RAB8B: variants seen among roughly 807,000 people sequenced by gnomAD.
The protein encoded by RAB8B is ras-related protein Rab-8B.
A neutral mutation model predicts 32.0 loss-of-function variants in RAB8B; 11 were observed. The observed-to-expected ratio is 0.34, with a 90% CI of 0.22 to 0.57. The LOEUF (loss-of-function observed/expected upper bound fraction) is 0.57, where lower values mean the gene tolerates loss of function less well. RAB8B is among the 20% of genes least tolerant of loss of function. The probability of loss-of-function intolerance (pLI) is 0.86; values close to 1 mark genes in which losing one functional copy is unlikely to be tolerated. For synonymous variants in RAB8B, 103 were observed against 89.6 expected, an observed-to-expected ratio of 1.15 and a Z score of -0.85; for missense variants, 190 against 258.5, an observed-to-expected ratio of 0.73 and a Z score of 1.82.
chr15:63,200,853 A>T (rs1013041831), intron 1 of RAB8B, among the ~76,000 whole-genome samples: 7 of 152,112 alleles, frequency 4.6e-5, no homozygotes, highest in African/African-American at 1.7e-4. Context: ...ATCTGCCTTC[A>T]TTTCTCTTGC....
intron 7 of RAB8B, 38 bp from the exon 8 acceptor site, chr15:63,263,489 C>T (rs751038687): frequency 1.0e-4 from 154 of 1,516,754 alleles, no homozygotes; most frequent in Middle Eastern, 8.5e-4. Flanking sequence ...AACCATGAAA[C>T]TTTTATTTCC....
chr15:63,242,462 C>T (rs977951493), intron 1 of RAB8B, among the ~76,000 whole-genome samples: 7 of 151,950 alleles, frequency 4.6e-5, no homozygotes, highest in Non-Finnish European at 7.4e-5. Flanking sequence ...ATCACGAGGT[C>T]GGTCAGGAGA....
chr15:63,228,305 C>T (rs1050294248), intron 1 of RAB8B, among the ~76,000 whole-genome samples: 6 of 152,276 alleles, frequency 3.9e-5, no homozygotes, highest in South Asian at 2.1e-4. Context: ...TGTGAGCTAC[C>T]GAACCCTGCC....
chr15:63,263,805 T>C lies in RAB8B; in HGVS notation c.*186T>C. On this transcript the variant is annotated 3_prime_UTR_variant, in exon 8 of 8. Transcript: ENST00000321437. ...TGGCCTAGCAAAAGAACAGACTCCCTTTTTCAAACATGGAAGCAATGAAGT... is the reference window on the plus strand; with the variant it reads ...TGGCCTAGCAAAAGAACAGACTCCCCTTTTCAAACATGGAAGCAATGAAGT... 1.2e-5 allele frequency: 6 copies of C among 500,916 alleles called. No individual in the cohort carries two copies. Among genetic ancestry groups the C allele is most frequent in the South Asian group, 6.9e-5 (2 of 28,798 alleles). 31.0% of individuals were successfully genotyped at this position (500,916 alleles called of 1,614,324 possible). A position where few individuals can be genotyped will look rare whatever the true frequency, so the allele number is the denominator to read the frequency against.
At chr15:63,216,134 TA>T (rs1221879084) in intron 1 of RAB8B, among the ~76,000 whole-genome samples, 2 of 152,064 alleles carry the variant, frequency 1.3e-5, no homozygotes, top group East Asian at 3.9e-4. Flanking sequence ...ATTTTTCATA[TA>T]TATTATCTAC....
intron 1 of RAB8B, among the ~76,000 whole-genome samples, chr15:63,193,814 A>AAACAAC (rs112905643): frequency 4.0e-5 from 6 of 151,628 alleles, no homozygotes; most frequent in South Asian, 2.1e-4. Context: ...CCATCTCAAA[A>AAACAAC]AACAACAACA....
intron 1 of RAB8B, among the ~76,000 whole-genome samples, chr15:63,204,976 A>G (rs2037686285): frequency 6.6e-6 from 1 of 150,576 alleles, no homozygotes; most frequent in African/African-American, 2.4e-5. Context: ...TAGGCAGCAT[A>G]GGGAGACCTC....
At chr15:63,205,017 G>T (rs2037686693) in intron 1 of RAB8B, among the ~76,000 whole-genome samples, 1 of 152,116 alleles carries the variant, frequency 6.6e-6, no homozygotes, top group South Asian at 2.1e-4. Context: ...AAGAAAATTG[G>T]CTGGGTATGG....
At chr15:63,203,945 A>G (rs1336708093) in intron 1 of RAB8B, among the ~76,000 whole-genome samples, 1 of 152,082 alleles carries the variant, frequency 6.6e-6, no homozygotes, top group African/African-American at 2.4e-5. Flanking sequence ...GGTGACCTCA[A>G]TGAGGTTTTT....
At chr15:63,230,663 AG>A (rs1233700082) in intron 1 of RAB8B, among the ~76,000 whole-genome samples, 2 of 152,162 alleles carry the variant, frequency 1.3e-5, no homozygotes, top group African/African-American at 4.8e-5. Context: ...AGGCAGAGGC[AG>A]GCCTGCAGGA....
At chr15:63,238,089 A>G (rs1028241478) in intron 1 of RAB8B, among the ~76,000 whole-genome samples, 1 of 151,920 alleles carries the variant, frequency 6.6e-6, no homozygotes, top group Non-Finnish European at 1.5e-5. Context: ...TTCCACTGGT[A>G]TATGTGTCTA....
At position 63,259,762 on chromosome 15, in the gene RAB8B, C is replaced by G; in HGVS notation, c.480+70C>G. 1 of 1,344,934 alleles carries G rather than the reference C, an allele frequency of 7.4e-7. No homozygotes were observed. The highest frequency in any genetic ancestry group is 1.1e-6 in the Non-Finnish European group (1 of 944,280). The allele number at this position is 1,344,934 out of a possible 1,614,324, so 83.3% of individuals were successfully genotyped here. A position where few individuals can be genotyped will look rare whatever the true frequency, so the allele number is the denominator to read the frequency against. Reference sequence around the variant, plus strand: ...CTTAGGGGCCTGTGTTCAAACAGCTCTCAGAGCTTTGGTATTTTCTGACCT... The same window carrying G: ...CTTAGGGGCCTGTGTTCAAACAGCTGTCAGAGCTTTGGTATTTTCTGACCT... On this transcript the variant is annotated intron_variant, in intron 6 of 7. Transcript: ENST00000321437. The surrounding 1 kb of genome is among the most constrained non-coding windows in gnomAD (Gnocchi z 4.4).
At chr15:63,202,069 C>T (rs544920328) in intron 1 of RAB8B, among the ~76,000 whole-genome samples, 42 of 131,944 alleles carry the variant, frequency 3.2e-4, no homozygotes, top group South Asian at 9.8e-4. Context: ...CTGGCTAACA[C>T]GGTGAAACCC....
intron 1 of RAB8B, among the ~76,000 whole-genome samples, chr15:63,212,700 C>T (rs2037758119): frequency 6.6e-6 from 1 of 152,124 alleles, no homozygotes; most frequent in African/African-American, 2.4e-5. Flanking sequence ...TCTGGACTTC[C>T]CCAAATATTT....
intron 1 of RAB8B, among the ~76,000 whole-genome samples, chr15:63,234,794 C>G (rs1274370054): frequency 6.6e-6 from 1 of 152,220 alleles, no homozygotes; most frequent in Non-Finnish European, 1.5e-5. Context: ...CCTCCCACCC[C>G]AAGGGTGGGG....
chr15:63,252,475 C>T (rs2038124276), intron 3 of RAB8B, among the ~76,000 whole-genome samples: 1 of 152,208 alleles, frequency 6.6e-6, no homozygotes, highest in East Asian at 1.9e-4. Flanking sequence ...AGCCTGCGTT[C>T]TTAACACCAC....
At position 63,229,780 on chromosome 15, in the gene RAB8B, C is replaced by CAAAAAAAAAAAAAAAAAAAA. The variant is rs56015501; in HGVS notation, c.125-14965_125-14946dup. On this transcript the variant is annotated intron_variant, in intron 1 of 7. Coordinates refer to ENST00000321437, the MANE Select transcript of RAB8B (RefSeq NM_016530.3). ...TAGGTGACAGAGCAAGACGCTGTTT[C>CAAAAAAAAAAAAAAAAAAAA]AAAAAAAAAAAAAAAAAAAAAAAAA... Among the ~76,000 whole-genome samples, 2 of 35,970 alleles carry CAAAAAAAAAAAAAAAAAAAA rather than the reference C, an allele frequency of 5.6e-5. 1 individual carries two copies. Among genetic ancestry groups the CAAAAAAAAAAAAAAAAAAAA allele is most frequent in the Non-Finnish European group, 1.3e-4 (2 of 15,868 alleles). The allele number at this position is 35,970 out of a possible 152,430, so 23.6% of individuals were successfully genotyped here. A position where few individuals can be genotyped will look rare whatever the true frequency, so the allele number is the denominator to read the frequency against.
At chr15:63,240,511 C>G (rs2038023461) in intron 1 of RAB8B, among the ~76,000 whole-genome samples, 1 of 152,042 alleles carries the variant, frequency 6.6e-6, no homozygotes, top group Admixed American at 6.6e-5. Context: ...ACTGAACTAA[C>G]CTACAGTTCA....
chr15:63,258,827 C>G (rs1307470527), intron 5 of RAB8B, among the ~76,000 whole-genome samples: 2 of 152,158 alleles, frequency 1.3e-5, no homozygotes, highest in African/African-American at 4.8e-5. Context: ...GCGCAGACGT[C>G]TGATTGGTTG....
Sources: allele counts gnomAD v4.1 joint callset (sites outside exome capture counted in the v4.1 genomes callset), GRCh38; gene constraint gnomAD v4.1.1; non-coding constraint Gnocchi (gnomAD v3.1); transcripts MANE v1.5; gene names NCBI Gene and HGNC (gene_info 2026-07-23, HGNC 2026-07-21).